The following HNRNPK variants were observed in gnomAD, a reference collection of about 807,000 sequenced individuals.
HNRNPK encodes dC-stretch binding protein.
A neutral mutation model predicts 67.0 loss-of-function variants in HNRNPK; 7 were observed. That is an observed-to-expected ratio of 0.10 (90% confidence interval 0.06 to 0.20). The LOEUF (loss-of-function observed/expected upper bound fraction) is 0.20, where lower values mean the gene tolerates loss of function less well. HNRNPK is among the 10% of genes least tolerant of loss of function. The pLI is 1.00. For missense variants in HNRNPK, 264 were observed against 606.5 expected (o/e 0.44, Z 5.93); for synonymous variants, 213 against 193.7 (o/e 1.10, Z -0.83).
rs2133030700 is a variant in HNRNPK at position 83,971,981 on chromosome 9, G to A, written c.854C>T (p.Pro285Leu). The A allele has an allele frequency of 1.9e-6, 3 of 1,610,412 alleles. No homozygotes were observed. Among genetic ancestry groups the A allele is most frequent in the Non-Finnish European group, 2.5e-6 (3 of 1,177,188 alleles). The change falls in exon 11 of 17, where the codon CCT (proline) becomes CTT (leucine). Residue 285 changes from proline (P) to leucine (L), a missense_variant. This residue lies in a region of HNRNPK where 142 missense variants were observed against 256.5 expected (regional missense o/e 0.55). Transcript: ENST00000376263. ...PSRRDYDDMS[P>L]RRGPPPPPPG... ...AGGAGGGGGAGGTGGTCCTCGACGA[G>A]GGCTCATATCATCATAATCTCTTCT...
At chr9:83,974,416 T>C (rs529706845) in intron 7 of HNRNPK, 101 bp downstream of exon 7, 54 of 587,444 alleles carry the variant, frequency 9.2e-5, no homozygotes, top group East Asian at 8.1e-4. Context: ...CAAACTGTCA[T>C]ATCCATTGTC....
chr9:83,972,570 G>T (rs200724484), intron 10 of HNRNPK, among the ~76,000 whole-genome samples: 3 of 152,168 alleles, frequency 2.0e-5, no homozygotes, highest in African/African-American at 7.2e-5. Flanking sequence ...ACCTGAGATA[G>T]GAAGCCCTGC....
At chr9:83,976,832 A>T in intron 5 of HNRNPK, 163 bp downstream of exon 5, 1 of 469,928 alleles carries the variant, frequency 2.1e-6, no homozygotes, top group Non-Finnish European at 3.8e-6. Context: ...GGCTTTTGTT[A>T]AAACAGGAAT....
In HNRNPK at chr9:83,978,268, G is replaced by A. The variant is rs111648912; in HGVS notation, c.-16C>T. ...CAGTTTCCATATTCTTTTATTAAAC[G>A]GGCACACCAATCTGTGGAAAAATAA... On this transcript the variant is annotated 5_prime_UTR_variant, in exon 3 of 17. Transcript: ENST00000376263. 3.0e-5 allele frequency: 49 copies of A among 1,607,628 alleles called. No individual in the cohort carries two copies. In the African/African-American group the frequency reaches 4.3e-4, roughly 14 times the overall value.
chr9:83,976,067 CA>C (rs1443797811), intron 5 of HNRNPK, among the ~76,000 whole-genome samples: 1 of 151,980 alleles, frequency 6.6e-6, no homozygotes, highest in Non-Finnish European at 1.5e-5. Context: ...AAAGACAAAA[CA>C]AAAATTCCCA....
chr9:83,978,525 G>A, intron 1 of HNRNPK, 73 bp from the exon 2 acceptor site: 1 of 378,178 alleles, frequency 2.6e-6, no homozygotes, highest in Non-Finnish European at 4.2e-6. Context: ...CGATCACAGT[G>A]AATACTGATT....
chr9:83,969,900 A>C (rs758836595), intron 16 of HNRNPK: 2 of 617,350 alleles, frequency 3.2e-6, no homozygotes, highest in Non-Finnish European at 6.2e-6. Context: ...AATTTTTAAC[A>C]AGTGGTTTTG....
intron 4 of HNRNPK, among the ~76,000 whole-genome samples, 182 bp downstream of exon 4, chr9:83,977,507 G>T (rs1249787557): frequency 6.6e-6 from 1 of 152,116 alleles, no homozygotes; most frequent in East Asian, 1.9e-4. Flanking sequence ...CTACAGCAAG[G>T]GCTTTAATCT....
At chr9:83,971,390 A>G in intron 12 of HNRNPK, 34 bp from the exon 13 acceptor site, 4 of 1,421,596 alleles carry the variant, frequency 2.8e-6, no homozygotes, top group Non-Finnish European at 4.0e-6. Context: ...ATGAACCCGC[A>G]TTGTATTTTG....
rs148506401 is a variant in HNRNPK at position 83,969,890 on chromosome 9, A to G, written c.1361+272T>C. 8.3e-4 allele frequency: 509 copies of G among 610,788 alleles called. 6 individuals carry two copies. In the East Asian group the frequency reaches 0.016, roughly 19 times the overall value. 37.8% of individuals were successfully genotyped at this position (610,788 alleles called of 1,614,324 possible). ...TCTATATTTTCTACAGGCTCTGTACAATTTTTAACAAGTGGTTTTGGCAGC... is the reference window on the plus strand; with the variant it reads ...TCTATATTTTCTACAGGCTCTGTACGATTTTTAACAAGTGGTTTTGGCAGC... On this transcript the variant is annotated intron_variant, in intron 16 of 16. Transcript: ENST00000376263.
chr9:83,979,523 C>A (rs1957258778), intron 1 of HNRNPK, among the ~76,000 whole-genome samples: 1 of 152,256 alleles, frequency 6.6e-6, no homozygotes, highest in Non-Finnish European at 1.5e-5. Flanking sequence ...CTCCCCTCCC[C>A]GCCTCCCGGC....
chr9:83,974,071 A>T, intron 7 of HNRNPK, 98 bp from the exon 8 acceptor site: 1 of 684,538 alleles, frequency 1.5e-6, no homozygotes. Flanking sequence ...TTTTAAATCT[A>T]TATTATTAAA....
chr9:83,978,975 C>T (rs1169090260), intron 1 of HNRNPK, among the ~76,000 whole-genome samples: 1 of 152,110 alleles, frequency 6.6e-6, no homozygotes, highest in Non-Finnish European at 1.5e-5. Flanking sequence ...AGGACCAGAC[C>T]CAAACTACCA....
At chr9:83,974,629 G>T in intron 6 of HNRNPK, 40 bp from the exon 7 acceptor site, 1 of 1,435,630 alleles carries the variant, frequency 7.0e-7, no homozygotes, top group Non-Finnish European at 9.7e-7. Context: ...CAAAAAAGGT[G>T]GAAAAGAAAA....
intron 16 of HNRNPK, chr9:83,969,868 A>G (rs774450882): frequency 3.9e-5 from 24 of 608,818 alleles, no homozygotes; most frequent in Non-Finnish European, 6.1e-5. Flanking sequence ...TGAATCTTCT[A>G]TATTTTCTAC....
intron 16 of HNRNPK, chr9:83,969,905 G>A (rs753889906): frequency 4.8e-6 from 3 of 620,942 alleles, no homozygotes; most frequent in Non-Finnish European, 9.2e-6. Flanking sequence ...TTAACAAGTG[G>A]TTTTGGCAGC....
chr9:83,973,058 C>T (rs1200387191), intron 9 of HNRNPK, 86 bp from the exon 10 acceptor site: 8 of 935,180 alleles, frequency 8.6e-6, no homozygotes, highest in Admixed American at 2.8e-5. Context: ...TTGAATTCAA[C>T]AATTAACCCC....
intron 13 of HNRNPK, 145 bp downstream of exon 13, chr9:83,971,128 C>A (rs1275090120): frequency 6.5e-6 from 5 of 769,646 alleles, no homozygotes; most frequent in Admixed American, 6.2e-5. Context: ...GTATTTTAAT[C>A]TCATAAAATC....
chr9:83,969,605 C>A (rs899238473), intron 16 of HNRNPK, 165 bp from the exon 17 acceptor site: 2 of 626,880 alleles, frequency 3.2e-6, no homozygotes, highest in African/African-American at 3.7e-5. Flanking sequence ...TGTTAAGTGT[C>A]AAGAAAAATG....
Sources: allele counts gnomAD v4.1 joint callset (sites outside exome capture counted in the v4.1 genomes callset), GRCh38; gene constraint gnomAD v4.1.1; regional missense constraint gnomAD v4.1.1; transcripts MANE v1.5; gene names NCBI Gene and HGNC (gene_info 2026-07-23, HGNC 2026-07-21).